The following ZC3H13 variants were observed in gnomAD, a reference collection of about 807,000 sequenced individuals.
ZC3H13 encodes the protein zinc finger CCCH-type containing 13, also known as zinc finger CCCH domain-containing protein 13.
A neutral mutation model predicts 204.1 loss-of-function variants in ZC3H13; 64 were observed. That is an observed-to-expected ratio of 0.31 (90% CI 0.26 to 0.39). ZC3H13 has a LOEUF of 0.39. Ranked by LOEUF, ZC3H13 falls within the 10% of genes least tolerant of loss-of-function variation. The probability of loss-of-function intolerance (pLI) is 1.00; values close to 1 mark genes in which losing one functional copy is unlikely to be tolerated. For synonymous variants in ZC3H13, 667 were observed against 693.7 expected, an observed-to-expected ratio of 0.96 and a Z score of 0.60; for missense variants, 1,833 against 2,082.7, an observed-to-expected ratio of 0.88 and a Z score of 2.33.
rs565588902 is a variant in ZC3H13 at position 45,975,444 on chromosome 13, CTCTCGCTCTCTCTCCCGT to C, written c.2289_2306del (p.Glu771_Arg776del). The C allele has an allele frequency of 3.5e-5, 56 of 1,613,228 alleles. No homozygotes were observed. The highest frequency in any genetic ancestry group is 1.1e-4 in the East Asian group (5 of 44,834). On this transcript the variant is annotated inframe_deletion, in exon 12 of 19. Transcript: ENST00000679008. Reference sequence around the variant, plus strand: ...TCGCTCTTTCTCGTTCCCGTTCTCGCTCTCGCTCTCTCTCCCGTTCTCGCTCTCTCTCCCTCTCTCTCT... The same window carrying C: ...TCGCTCTTTCTCGTTCCCGTTCTCGCTCTCGCTCTCTCTCCCTCTCTCTCT...
intron 4 of ZC3H13, among the ~76,000 whole-genome samples, chr13:46,032,061 C>A (rs994643199): frequency 6.6e-6 from 1 of 152,070 alleles, no homozygotes; most frequent in African/African-American, 2.4e-5. Context: ...AACAGAATAG[C>A]CGAACTTTAC....
intron 12 of ZC3H13, 131 bp downstream of exon 12, chr13:45,975,152 T>G: frequency 7.1e-7 from 1 of 1,408,460 alleles, no homozygotes; most frequent in Non-Finnish European, 9.4e-7. Flanking sequence ...TATACTAAAT[T>G]TGAAAAACAG....
At chr13:46,044,925 T>C (rs757671684) in intron 3 of ZC3H13, 30 bp downstream of exon 3, 52 of 1,542,570 alleles carry the variant, frequency 3.4e-5, no homozygotes, top group Non-Finnish European at 4.0e-5. Context: ...CTTCTAATAG[T>C]ACATGAACAA....
chr13:45,970,513 AAAG>A (rs1952498810), intron 12 of ZC3H13, 48 bp from the exon 13 acceptor site: 2 of 1,563,616 alleles, frequency 1.3e-6, no homozygotes, highest in African/African-American at 1.4e-5. Flanking sequence ...GGGGGCAAAA[AAAG>A]AGATTTTTTT....
intron 15 of ZC3H13, among the ~76,000 whole-genome samples, chr13:45,966,111 A>G (rs886579194): frequency 2.6e-5 from 4 of 152,140 alleles, no homozygotes; most frequent in Non-Finnish European, 4.4e-5. Flanking sequence ...ACTTTTTTCA[A>G]CCACCTATGC....
In ZC3H13 at chr13:46,035,552, G is replaced by T. The variant is rs1231008973; in HGVS notation, c.339+6612C>A. 3.3e-5 allele frequency among the ~76,000 whole-genome samples: 5 copies of T among 152,188 alleles called. No individual in the cohort carries two copies. The East Asian group carries it at 9.6e-4, about 29-fold the overall frequency. On this transcript the variant is annotated intron_variant, in intron 4 of 18. Coordinates refer to ENST00000679008, the MANE Select transcript of ZC3H13 (RefSeq NM_001330564.2). ...TTCATTACCAAATTTCCACCAGGTG[G>T]TAGATACACTGTACCTCTACTTATA... is the stretch of plus-strand genomic sequence containing the variant.
At chr13:45,978,689 G>T (rs560160725) in intron 11 of ZC3H13, among the ~76,000 whole-genome samples, 1 of 151,794 alleles carries the variant, frequency 6.6e-6, no homozygotes, top group East Asian at 1.9e-4. Flanking sequence ...ATTGAATTCA[G>T]GCATGAGATG....
In ZC3H13 at chr13:46,042,284, CA is replaced by C; in HGVS notation, c.228-10del. ...TAGGTCTTTCTGGTGACCTTTGAAC[CA>C]AAACACAGAAACAAAACAAAAAACG... is the stretch of plus-strand genomic sequence containing the variant. On this transcript the variant is annotated splice_polypyrimidine_tract_variant and intron_variant, in intron 3 of 18. Coordinates refer to ENST00000679008, the MANE Select transcript of ZC3H13 (RefSeq NM_001330564.2). 1 of 1,594,680 alleles carries C rather than the reference CA, an allele frequency of 6.3e-7. No homozygotes were observed. The highest frequency in any genetic ancestry group is 1.3e-5 in the African/African-American group (1 of 74,276).
intron 5 of ZC3H13, among the ~76,000 whole-genome samples, chr13:46,014,906 T>C (rs1204404181): frequency 6.6e-6 from 1 of 152,198 alleles, no homozygotes; most frequent in Admixed American, 6.5e-5. Flanking sequence ...CTGCAAAGCA[T>C]TTCATTAATA....
At position 45,959,681 on chromosome 13, in the gene ZC3H13, C is replaced by T. The variant is rs568769898; in HGVS notation, c.4676-35G>A. On this transcript the variant is annotated intron_variant, in intron 17 of 18. Coordinates refer to ENST00000679008, the MANE Select transcript of ZC3H13 (RefSeq NM_001330564.2). Reference sequence around the variant, plus strand: ...AAAAGTAAACATGCATTAAGTTTTACTAAAATAGAAAAGGGTTACCAACTA... The same window carrying T: ...AAAAGTAAACATGCATTAAGTTTTATTAAAATAGAAAAGGGTTACCAACTA... 35 of 1,481,504 alleles carry T rather than the reference C, an allele frequency of 2.4e-5. No homozygotes were observed. In the East Asian group the frequency reaches 8.3e-4, roughly 35 times the overall value. 91.8% of individuals were successfully genotyped at this position (1,481,504 alleles called of 1,614,324 possible).
chr13:46,009,116 G>T lies in ZC3H13; in HGVS notation c.746+1232C>A, dbSNP rs187457619. Among the ~76,000 whole-genome samples the T allele has an allele frequency of 2.6e-5, 4 of 152,160 alleles. No individual in the cohort carries two copies. In the East Asian group the frequency reaches 7.7e-4, roughly 29 times the overall value. On this transcript the variant is annotated intron_variant, in intron 7 of 18. Coordinates refer to ENST00000679008, the MANE Select transcript of ZC3H13 (RefSeq NM_001330564.2). ...GCAAAATCTGATAGGTACCTAAAGG[G>T]AACAGAACTTATGTTCCATAAAGAG...
rs1206195744 is a variant in ZC3H13, at chr13:45,975,307, T to C, written c.2444A>G (p.Asp815Gly). The C allele has an allele frequency of 3.1e-6, 5 of 1,611,924 alleles. No individual in the cohort carries two copies. The African/African-American group carries it at 5.3e-5, about 17-fold the overall frequency. The change falls in exon 12 of 19, where the codon GAT becomes GGT. Residue 815 changes from aspartate (D) to glycine (G), a missense_variant. Physicochemically the swap from Asp to Gly is moderately conservative, Grantham distance 94. Coordinates refer to ENST00000679008, the MANE Select transcript of ZC3H13 (RefSeq NM_001330564.2). ...CTTTGATTTTCTTTCATCATGTCCA[T>C]CTCTTGGATTCCTATCTTCTCGGAT... ...EEIREDRNPR[D>G]GHDERKSKKR... is the part of the protein sequence containing the mutation.
intron 16 of ZC3H13, among the ~76,000 whole-genome samples, chr13:45,964,521 T>G (rs1951931146): frequency 6.6e-6 from 1 of 152,194 alleles, no homozygotes; most frequent in Non-Finnish European, 1.5e-5. Flanking sequence ...ATCCATCCAC[T>G]GCGAAGGAAC....
rs776599767 is a variant in ZC3H13, at chr13:45,979,889, GTCTCTTTCAGGATATCTA to G, written c.1818_1835del (p.Arg607_Asp612del). The G allele has an allele frequency of 5.6e-6, 9 of 1,610,454 alleles. No homozygotes were observed. The African/African-American group carries it at 6.7e-5, about 12-fold the overall frequency. ...AAGAATCCCTTGCTTGATCTCTGTT[GTCTCTTTCAGGATATCTA>G]TCTCTTTCAGGATAGCTACTTCGAG... On this transcript the variant is annotated inframe_deletion, in exon 11 of 19. Coordinates refer to ENST00000679008, the MANE Select transcript of ZC3H13 (RefSeq NM_001330564.2).
At chr13:46,012,472 A>G (rs991458966) in intron 5 of ZC3H13, among the ~76,000 whole-genome samples, 1 of 152,218 alleles carries the variant, frequency 6.6e-6, no homozygotes, top group African/African-American at 2.4e-5. Flanking sequence ...GAACTAAAAA[A>G]ACAACAAACA....
intron 9 of ZC3H13, 27 bp downstream of exon 9, chr13:45,988,760 T>C (rs1260646199): frequency 3.2e-6 from 5 of 1,567,158 alleles, no homozygotes; most frequent in Non-Finnish European, 4.3e-6. Context: ...AATTTTTCAA[T>C]TAAAAAAATC....
intron 4 of ZC3H13, among the ~76,000 whole-genome samples, chr13:46,039,715 GATA>G (rs1317428809): frequency 1.3e-5 from 2 of 152,106 alleles, no homozygotes; most frequent in South Asian, 2.1e-4. Flanking sequence ...TAAAAACAAA[GATA>G]ATAAGTACTC....
intron 8 of ZC3H13, among the ~76,000 whole-genome samples, chr13:45,991,348 A>T (rs181012242): frequency 1.6e-4 from 24 of 152,358 alleles, no homozygotes; most frequent in African/African-American, 5.5e-4. Context: ...AAAAAACTTC[A>T]AACTTAGGAT....
At chr13:45,962,758 T>A (rs867488775) in intron 17 of ZC3H13, 1 of 985,338 alleles carries the variant, frequency 1.0e-6, no homozygotes, top group Non-Finnish European at 1.2e-6. Flanking sequence ...TAAACTTTTA[T>A]GTCCAGGGAC....
Sources: allele counts gnomAD v4.1 joint callset (sites outside exome capture counted in the v4.1 genomes callset), GRCh38; gene constraint gnomAD v4.1.1; transcripts MANE v1.5; gene names NCBI Gene and HGNC (gene_info 2026-07-23, HGNC 2026-07-21).